PTPRK: variants seen among roughly 807,000 people sequenced by gnomAD.
PTPRK encodes protein tyrosine phosphatase receptor type K.
Under a neutral mutation model 178.0 loss-of-function variants are expected in PTPRK, and 75 were observed. That is an observed-to-expected ratio of 0.42 (90% CI 0.35 to 0.51). PTPRK has a LOEUF of 0.51. Ranked by LOEUF, PTPRK falls within the 20% of genes least tolerant of loss-of-function variation. The pLI is 0.02. For missense variants in PTPRK, 1,441 were observed against 1,797.8 expected, an observed-to-expected ratio of 0.80 and a Z score of 3.59; for synonymous variants, 637 against 620.6, an observed-to-expected ratio of 1.03 and a Z score of -0.39.
intron 1 of PTPRK, among the ~76,000 whole-genome samples, chr6:128,464,183 T>C: frequency 6.6e-6 from 1 of 151,878 alleles, no homozygotes; most frequent in Non-Finnish European, 1.5e-5. Flanking sequence ...AGCCAAACTA[T>C]AAAAAATACA....
At chr6:128,166,029 A>G (rs1389651355) in intron 7 of PTPRK, among the ~76,000 whole-genome samples, 2 of 151,718 alleles carry the variant, frequency 1.3e-5, no homozygotes, top group Non-Finnish European at 1.5e-5. Context: ...AGTTACTATA[A>G]TTCTGACCAG....
Position 128,392,018 on chromosome 6 carries a change from A to G in PTPRK, c.223+5548T>C, listed in dbSNP as rs185390142. Among the ~76,000 whole-genome samples, 265 of 152,220 alleles carry G rather than the reference A, an allele frequency of 1.7e-3. 1 individual carries two copies. Among genetic ancestry groups the G allele is most frequent in the Middle Eastern group, 3.4e-3 (1 of 294 alleles). ...CCCATGCATGCTCCCCACTGAATAA[A>G]AAAACACACCAAATCTCTCCAAATA... is the stretch of plus-strand genomic sequence containing the variant. On this transcript the variant is annotated intron_variant, in intron 2 of 29. Coordinates refer to ENST00000368226, the MANE Select transcript of PTPRK (RefSeq NM_002844.4).
intron 1 of PTPRK, among the ~76,000 whole-genome samples, chr6:128,448,829 C>T (rs1233609230): frequency 6.6e-6 from 1 of 152,086 alleles, no homozygotes; most frequent in African/African-American, 2.4e-5. Context: ...CTGTCCAATG[C>T]CATGCCAGTT....
intron 11 of PTPRK, among the ~76,000 whole-genome samples, chr6:128,072,958 G>T (rs181318598): frequency 6.6e-6 from 1 of 152,072 alleles, no homozygotes; most frequent in East Asian, 1.9e-4. Flanking sequence ...AAAAACTCTA[G>T]GGTGGAAAAA....
chr6:128,435,110 CAGGA>C (rs1328250896), intron 1 of PTPRK, among the ~76,000 whole-genome samples: 2,470 of 58,198 alleles, frequency 0.042, 55 homozygotes, highest in East Asian at 0.082. Flanking sequence ...GGAAGGAAGG[CAGGA>C]AGGCAGGCAG....
At chr6:128,503,694 G>A (rs977041302) in intron 1 of PTPRK, among the ~76,000 whole-genome samples, 4 of 152,144 alleles carry the variant, frequency 2.6e-5, no homozygotes, top group African/African-American at 9.7e-5. Context: ...TTGTTTTAGA[G>A]ACAAGGTCTT....
chr6:128,119,994 T>C (rs992910716), intron 7 of PTPRK, among the ~76,000 whole-genome samples: 12 of 151,976 alleles, frequency 7.9e-5, no homozygotes, highest in Admixed American at 7.9e-4. Context: ...CCAGTCTCAG[T>C]GTTTCAGGAA....
rs866944758 is a variant in PTPRK, at chr6:128,357,861, T to C, written c.224-35551A>G. Among the ~76,000 whole-genome samples, 106 of 152,350 alleles carry C rather than the reference T, an allele frequency of 7.0e-4. 1 individual carries two copies. The highest frequency in any genetic ancestry group is 2.4e-3 in the African/African-American group (101 of 41,580). On this transcript the variant is annotated intron_variant, in intron 2 of 29. Transcript: ENST00000368226. ...ACCATTACTTTCATCAGTGCAACCT[T>C]TGTAAATAGATAATGTGCTGCTGTA...
intron 5 of PTPRK, among the ~76,000 whole-genome samples, chr6:128,235,883 T>G (rs1401415223): frequency 6.6e-6 from 1 of 152,174 alleles, no homozygotes; most frequent in Admixed American, 6.5e-5. Context: ...TGAGTTATTT[T>G]ATCATTTCAC....
chr6:128,450,512 G>A (rs1340142366), intron 1 of PTPRK, among the ~76,000 whole-genome samples: 1 of 152,032 alleles, frequency 6.6e-6, no homozygotes, highest in Non-Finnish European at 1.5e-5. Context: ...CCCAAACCAC[G>A]GATACTCAAA....
intron 3 of PTPRK, among the ~76,000 whole-genome samples, chr6:128,314,158 C>G (rs1413985716): frequency 6.6e-6 from 1 of 152,108 alleles, no homozygotes; most frequent in Non-Finnish European, 1.5e-5. Context: ...CCTAGAACAC[C>G]TGGTCTAATG....
At chr6:128,340,707 C>T (rs1831546296) in intron 2 of PTPRK, 2 of 423,018 alleles carry the variant, frequency 4.7e-6, no homozygotes, top group Non-Finnish European at 9.1e-6. Context: ...TAAAATGATG[C>T]TTTGTGGAAC....
intron 1 of PTPRK, among the ~76,000 whole-genome samples, chr6:128,432,266 T>C (rs1844929789): frequency 6.6e-6 from 1 of 152,088 alleles, no homozygotes; most frequent in South Asian, 2.1e-4. Flanking sequence ...TAAATAGGAT[T>C]CCATTTTTAA....
At chr6:128,198,686 A>C (rs549017944) in intron 6 of PTPRK, among the ~76,000 whole-genome samples, 2 of 152,202 alleles carry the variant, frequency 1.3e-5, no homozygotes, top group African/African-American at 4.8e-5. Flanking sequence ...TTATACACTT[A>C]GCAAAGTTAT....
intron 1 of PTPRK, among the ~76,000 whole-genome samples, chr6:128,482,455 A>G (rs893771591): frequency 6.6e-6 from 1 of 152,190 alleles, no homozygotes; most frequent in African/African-American, 2.4e-5. Flanking sequence ...TGGAGAAAGA[A>G]AAGAAGGACT....
chr6:128,509,684 C>A (rs1221884844), intron 1 of PTPRK, among the ~76,000 whole-genome samples: 4 of 152,056 alleles, frequency 2.6e-5, no homozygotes, highest in Non-Finnish European at 5.9e-5. Context: ...TTGTAATATT[C>A]TCATTTTGGT....
Position 127,998,753 on chromosome 6 carries a change from T to C in PTPRK, c.2646A>G (p.Thr882=), listed in dbSNP as rs1475867895. ...DLLQHINLMK[T]SDSYGFKEEY... is the part of the protein sequence containing the mutation. ...CCTCTTTGAACCCATAGCTGTCTGATGTCTTCATGAGATTAATGTGCTGCA... is the reference window on the plus strand; with the variant it reads ...CCTCTTTGAACCCATAGCTGTCTGACGTCTTCATGAGATTAATGTGCTGCA... Residue 882 remains threonine, a synonymous_variant, in exon 16 of 30, where the codon ACA becomes ACG. Coordinates refer to ENST00000368226, the MANE Select transcript of PTPRK (RefSeq NM_002844.4). 1.9e-6 allele frequency: 3 copies of C among 1,601,934 alleles called. No individual in the cohort carries two copies. The Middle Eastern group carries it at 5.0e-4, about 268-fold the overall frequency.
At chr6:128,375,674 T>C (rs1000067551) in intron 2 of PTPRK, among the ~76,000 whole-genome samples, 1 of 152,084 alleles carries the variant, frequency 6.6e-6, no homozygotes, top group Admixed American at 6.5e-5. Flanking sequence ...CAGCATTAAC[T>C]CAAAAGTCCA....
chr6:128,224,810 A>C (rs1021361972), intron 5 of PTPRK, among the ~76,000 whole-genome samples: 1 of 152,326 alleles, frequency 6.6e-6, no homozygotes, highest in Non-Finnish European at 1.5e-5. Flanking sequence ...CTGTCATGCC[A>C]AAACCTGGAA....
Sources: gnomAD v4.1 joint callset for allele counts (sites outside exome capture counted in the v4.1 genomes callset) on GRCh38, gnomAD v4.1.1 for gene constraint, MANE v1.5 for transcripts, NCBI Gene and HGNC (gene_info 2026-07-23, HGNC 2026-07-21) for gene names.